The following ZC3H4 variants were observed in gnomAD, a reference collection of about 807,000 sequenced individuals.
ZC3H4 encodes zinc finger CCCH-type containing 4, also known as zinc finger CCCH domain-containing protein 4.
ZC3H4 carries 13 observed loss-of-function variants against 108.3 expected under a neutral mutation model. The ratio of observed to expected loss-of-function variants is 0.12; its 90% CI spans 0.08 to 0.19. ZC3H4 has a LOEUF of 0.19. Among genes scored for constraint, ZC3H4 ranks in the 10% least tolerant of loss-of-function variants. The pLI is 1.00. For missense variants in ZC3H4, 1,734 were observed against 1,838.8 expected, an observed-to-expected ratio of 0.94 and a Z score of 1.04; for synonymous variants, 917 against 749.6, an observed-to-expected ratio of 1.22 and a Z score of -3.65.
intron 6 of ZC3H4, 76 bp from the exon 7 acceptor site, chr19:47,085,490 C>T (rs530698890): frequency 4.5e-6 from 6 of 1,319,104 alleles, no homozygotes; most frequent in Non-Finnish European, 6.2e-6. Flanking sequence ...ACACACTGCT[C>T]CTTTTTGAAG....
Position 47,066,568 on chromosome 19 carries a change from CGGTGGT to C in ZC3H4, c.3694_3699del (p.Thr1232_Thr1233del), listed in dbSNP as rs1568523258. ...GGGGCACCCTCGGGGGGTGGGGTGG[CGGTGGT>C]GGCAGCGGGGGCTGCAGCAGCCTTG... On this transcript the variant is annotated inframe_deletion, in exon 15 of 15. Coordinates refer to ENST00000253048, the MANE Select transcript of ZC3H4 (RefSeq NM_015168.2). The C allele has an allele frequency of 1.3e-6, 2 of 1,569,650 alleles. No individual in the cohort carries two copies. The highest frequency in any genetic ancestry group is 1.7e-6 in the Non-Finnish European group (2 of 1,156,354).
At chr19:47,109,142 A>G (rs976018604) in intron 2 of ZC3H4, among the ~76,000 whole-genome samples, 5 of 152,148 alleles carry the variant, frequency 3.3e-5, no homozygotes, top group Admixed American at 6.6e-5. Flanking sequence ...TAATACTGGT[A>G]CATCAGTCTG....
chr19:47,099,925 C>T (rs537672893), intron 2 of ZC3H4, among the ~76,000 whole-genome samples: 4 of 151,514 alleles, frequency 2.6e-5, no homozygotes, highest in African/African-American at 2.4e-5. Flanking sequence ...TGATAAGAGG[C>T]GGCTAGGTTA....
chr19:47,106,687 G>A (rs974654065), intron 2 of ZC3H4, among the ~76,000 whole-genome samples: 7 of 152,200 alleles, frequency 4.6e-5, no homozygotes, highest in African/African-American at 1.4e-4. Context: ...ACAGAGGAAG[G>A]GAATACGAAG....
chr19:47,094,232 T>A, intron 3 of ZC3H4, 152 bp from the exon 4 acceptor site: 1 of 1,112,940 alleles, frequency 9.0e-7, no homozygotes, highest in Admixed American at 2.1e-5. Context: ...CAATGAAGCA[T>A]AAGCTACCAA....
intron 4 of ZC3H4, among the ~76,000 whole-genome samples, chr19:47,090,797 A>T (rs1350475708): frequency 1.3e-5 from 2 of 152,224 alleles, no homozygotes; most frequent in Admixed American, 6.5e-5. Flanking sequence ...AGAACTATAC[A>T]ACCCTAAGTA....
chr19:47,092,791 T>C lies in ZC3H4; in HGVS notation c.492+1179A>G, dbSNP rs187938317. 3.7e-3 allele frequency among the ~76,000 whole-genome samples: 561 copies of C among 151,596 alleles called. 4 individuals carry two copies. The highest frequency in any genetic ancestry group is 0.037 in the South Asian group (176 of 4,796). On this transcript the variant is annotated intron_variant, in intron 4 of 14. Transcript: ENST00000253048. ...GAGATTGCCCCACTGCACTCCAGCC[T>C]AGGCGACAGAGCAAGACTCCGTCTC...
At chr19:47,084,598 A>C in intron 8 of ZC3H4, 143 bp from the exon 9 acceptor site, 1 of 774,808 alleles carries the variant, frequency 1.3e-6, no homozygotes, top group Non-Finnish European at 2.2e-6. Context: ...TGCATCTAAC[A>C]CGGAGGCTGC....
intron 2 of ZC3H4, 67 bp downstream of exon 2, chr19:47,112,357 G>GC (rs978311462): frequency 4.9e-6 from 6 of 1,220,236 alleles, no homozygotes; most frequent in Non-Finnish European, 6.1e-6. Context: ...CATGGCGGCC[G>GC]CCCCCCTTCC....
Position 47,072,803 on chromosome 19 carries a change from A to G in ZC3H4, c.1441-90T>C. The G allele has an allele frequency of 6.8e-7, 1 of 1,477,178 alleles. No homozygotes were observed. The highest frequency in any genetic ancestry group is 9.2e-7 in the Non-Finnish European group (1 of 1,089,356). 91.5% of individuals were successfully genotyped at this position (1,477,178 alleles called of 1,614,324 possible). On this transcript the variant is annotated intron_variant, in intron 11 of 14. Transcript: ENST00000253048. This position sits in a 1 kb window ranked among gnomAD's most constrained non-coding sequence, Gnocchi z 5.6. ...TCTGAGAGCTGAAGTTTATGAGGAA[A>G]AGTCCATAATACAAGGACCTTGAGA...
Position 47,067,792 on chromosome 19 carries a change from G to A in ZC3H4, c.2476C>T (p.Gln826Ter). The A allele has an allele frequency of 6.2e-7, 1 of 1,609,664 alleles. No individual in the cohort carries two copies. Residue 826 changes from glutamine (Q) to a stop codon, truncating the protein, a stop_gained, in exon 15 of 15, where the codon CAG (glutamine) becomes TAG (stop). Transcript: ENST00000253048. LOFTEE classifies it low-confidence loss of function (END_TRUNC). The surrounding 1 kb of genome is among the most constrained non-coding windows in gnomAD (Gnocchi z 6.4). ...SVTSILKTLR[Q>*]QTSSRPPASV... ...GCCGGGGGTCGGCTGGACGTCTGCT[G>A]CCTCAAGGTCTTCAGGATGGAGGTG...
Position 47,112,466 on chromosome 19 carries a change from G to GT in ZC3H4, c.118dup (p.Thr40AsnfsTer13). 8.2e-7 allele frequency: 1 copy of GT among 1,219,326 alleles called. No homozygotes were observed. Among genetic ancestry groups the GT allele is most frequent in the Non-Finnish European group, 1.0e-6 (1 of 969,908 alleles). The allele number at this position is 1,219,326 out of a possible 1,614,324, so 75.5% of individuals were successfully genotyped here. A position where few individuals can be genotyped will look rare whatever the true frequency, so the allele number is the denominator to read the frequency against. ...GAGGCGGTGGTGGAGGAGGTGCGGGGTGGCCGGGCGGGCGTCGGGGGAACA... is the reference window on the plus strand; with the variant it reads ...GAGGCGGTGGTGGAGGAGGTGCGGGGTTGGCCGGGCGGGCGTCGGGGGAACA... On this transcript the variant is annotated frameshift_variant, in exon 2 of 15. Coordinates refer to ENST00000253048, the MANE Select transcript of ZC3H4 (RefSeq NM_015168.2). LOFTEE classifies it high-confidence loss of function.
chr19:47,066,249 AAAGG>A lies in ZC3H4; in HGVS notation c.*103_*106del. ...GAAAGCAAAAGAAAAAGAAAAGAAA[AAAGG>A]AACACCCAGCCTGCCTCCCCTTGCC... On this transcript the variant is annotated 3_prime_UTR_variant, in exon 15 of 15. Transcript: ENST00000253048. 2.3e-6 allele frequency: 2 copies of A among 855,068 alleles called. No individual in the cohort carries two copies. The highest frequency in any genetic ancestry group is 3.4e-6 in the Non-Finnish European group (2 of 595,276). The allele number at this position is 855,068 out of a possible 1,614,324, so 53.0% of individuals were successfully genotyped here.
chr19:47,105,687 C>T (rs1418386864), intron 2 of ZC3H4, among the ~76,000 whole-genome samples: 2 of 152,310 alleles, frequency 1.3e-5, no homozygotes, highest in South Asian at 2.1e-4. Context: ...GTTTGCCGAC[C>T]CCTAGCCTGG....
At chr19:47,104,116 C>T (rs574835869) in intron 2 of ZC3H4, among the ~76,000 whole-genome samples, 1 of 152,144 alleles carries the variant, frequency 6.6e-6, no homozygotes, top group South Asian at 2.1e-4. Flanking sequence ...GTCAGTAGTT[C>T]AAGACCAGCC....
intron 2 of ZC3H4, among the ~76,000 whole-genome samples, chr19:47,099,975 C>T (rs1159939831): frequency 2.6e-5 from 4 of 152,154 alleles, no homozygotes; most frequent in African/African-American, 9.7e-5. Context: ...TGCCCAGACT[C>T]TCAACAAATT....
At chr19:47,110,950 G>A (rs2058030805) in intron 2 of ZC3H4, 3 of 984,266 alleles carry the variant, frequency 3.0e-6, no homozygotes, top group Non-Finnish European at 3.6e-6. Context: ...AAAAGGCAAA[G>A]TATGGTCTGT....
At chr19:47,084,611 G>A (rs1029698238) in intron 8 of ZC3H4, among the ~76,000 whole-genome samples, 156 bp from the exon 9 acceptor site, 1 of 152,210 alleles carries the variant, frequency 6.6e-6, no homozygotes, top group Non-Finnish European at 1.5e-5. Flanking sequence ...GAGGCTGCGT[G>A]CACCTTATAA....
chr19:47,069,055 TG>T, intron 14 of ZC3H4, 36 bp downstream of exon 14: 1 of 1,600,946 alleles, frequency 6.2e-7, no homozygotes. Context: ...CACAGCGGCC[TG>T]GGGCCTGTGC....
Sources: allele counts gnomAD v4.1 joint callset (sites outside exome capture counted in the v4.1 genomes callset), GRCh38; gene constraint gnomAD v4.1.1; non-coding constraint Gnocchi (gnomAD v3.1); transcripts MANE v1.5; gene names NCBI Gene and HGNC (gene_info 2026-07-23, HGNC 2026-07-21).